Variants in IQCM observed in about 807,000 individuals in gnomAD.
IQCM encodes the protein IQ motif containing M, also known as IQ domain-containing protein M.
IQCM carries 45 observed loss-of-function variants against 57.6 expected under a neutral mutation model. The ratio of observed to expected loss-of-function variants is 0.78; its 90% confidence interval spans 0.62 to 1.00. The LOEUF (loss-of-function observed/expected upper bound fraction) is 1.00. Among genes scored for constraint, IQCM ranks in the 50% least tolerant of loss-of-function variants. IQCM has a pLI of 0.00. For synonymous variants in IQCM, 148 were observed against 158.9 expected, an observed-to-expected ratio of 0.93 and a Z score of 0.51; for missense variants, 468 against 511.6, an observed-to-expected ratio of 0.91 and a Z score of 0.82.
At chr4:149,731,193 G>A (rs1766425408) in intron 5 of IQCM, among the ~76,000 whole-genome samples, 1 of 152,166 alleles carries the variant, frequency 6.6e-6, no homozygotes, top group African/African-American at 2.4e-5. Context: ...TTAAGAGATA[G>A]GACCTTTGAG....
intron 2 of IQCM, among the ~76,000 whole-genome samples, chr4:149,755,385 C>T (rs527437490): frequency 1.3e-5 from 2 of 152,272 alleles, no homozygotes; most frequent in East Asian, 3.9e-4. Flanking sequence ...TCCCTCCAGC[C>T]CCTCAATCCC....
intron 12 of IQCM, among the ~76,000 whole-genome samples, chr4:149,503,036 G>A (rs1743427957): frequency 1.3e-5 from 2 of 151,794 alleles, no homozygotes; most frequent in Admixed American, 6.6e-5. Flanking sequence ...AATATAGTGA[G>A]ACTCCAACTC....
intron 12 of IQCM, among the ~76,000 whole-genome samples, chr4:149,469,525 T>C (rs1739264545): frequency 6.6e-6 from 1 of 152,140 alleles, no homozygotes; most frequent in Admixed American, 6.5e-5. Context: ...ACGGGGAGAA[T>C]GGAAGCAAGT....
chr4:149,707,528 T>TGAA (rs1289122631), intron 5 of IQCM, among the ~76,000 whole-genome samples: 1 of 151,902 alleles, frequency 6.6e-6, no homozygotes, highest in Non-Finnish European at 1.5e-5. Flanking sequence ...CCTTGAGGAA[T>TGAA]GAAGTAACAT....
intron 8 of IQCM, among the ~76,000 whole-genome samples, chr4:149,609,517 T>C (rs1482135353): frequency 1.3e-5 from 2 of 151,652 alleles, no homozygotes; most frequent in Non-Finnish European, 3.0e-5. Flanking sequence ...AATTCAATAA[T>C]ACATTAAAAG....
chr4:149,557,198 G>A (rs777097612), intron 10 of IQCM, among the ~76,000 whole-genome samples: 2 of 151,878 alleles, frequency 1.3e-5, no homozygotes, highest in Admixed American at 6.6e-5. Context: ...CTTGGCTTTC[G>A]GCAGGAAACT....
intron 12 of IQCM, among the ~76,000 whole-genome samples, chr4:149,528,815 A>G (rs1429419013): frequency 1.3e-5 from 2 of 152,130 alleles, no homozygotes; most frequent in Admixed American, 1.3e-4. Context: ...TGTACCTTGC[A>G]CTATAGAAGC....
intron 2 of IQCM, among the ~76,000 whole-genome samples, chr4:149,799,805 G>A (rs879615859): frequency 6.6e-6 from 1 of 151,194 alleles, no homozygotes; most frequent in African/African-American, 2.4e-5. Context: ...GATCAGATGA[G>A]TAGTAAGTAA....
intron 13 of IQCM, among the ~76,000 whole-genome samples, chr4:149,389,341 T>G (rs1437067301): frequency 6.6e-6 from 1 of 152,062 alleles, no homozygotes; most frequent in Non-Finnish European, 1.5e-5. Context: ...TTCCATTTAT[T>G]GATATGACTA....
At chr4:149,692,560 T>C (rs574660154) in intron 5 of IQCM, among the ~76,000 whole-genome samples, 1 of 152,150 alleles carries the variant, frequency 6.6e-6, no homozygotes, top group Non-Finnish European at 1.5e-5. Flanking sequence ...AAGCCCTCTA[T>C]AGACCATTGA....
intron 3 of IQCM, 136 bp from the exon 4 acceptor site, chr4:149,735,594 G>C: frequency 2.5e-6 from 1 of 396,824 alleles, no homozygotes; most frequent in Non-Finnish European, 4.4e-6. Context: ...GAAATATAAG[G>C]TTGTAATGGT....
chr4:149,800,955 A>G (rs559304359), intron 2 of IQCM, among the ~76,000 whole-genome samples: 1 of 151,988 alleles, frequency 6.6e-6, no homozygotes, highest in African/African-American at 2.4e-5. Context: ...TACCAATGAC[A>G]TTCTTCACAG....
intron 8 of IQCM, among the ~76,000 whole-genome samples, chr4:149,594,752 G>A (rs1753594602): frequency 6.6e-6 from 1 of 152,178 alleles, no homozygotes; most frequent in Non-Finnish European, 1.5e-5. Context: ...CAGTTGCCAT[G>A]TAGTTGAGCG....
At chr4:149,361,756 C>A (rs933718476) in intron 13 of IQCM, among the ~76,000 whole-genome samples, 2 of 152,190 alleles carry the variant, frequency 1.3e-5, no homozygotes, top group Non-Finnish European at 2.9e-5. Flanking sequence ...TCACGGAGAA[C>A]CTCTGCAAGG....
In IQCM at chr4:149,745,056, G is replaced by A. The variant is rs17026415; in HGVS notation, c.-48-2317C>T. 9.0e-3 allele frequency among the ~76,000 whole-genome samples: 1,369 copies of A among 152,240 alleles called. 10 individuals carry two copies. Among genetic ancestry groups the A allele is most frequent in the African/African-American group, 0.03 (1,264 of 41,546 alleles). ...TTACACCTGGAAGGGTGAGCACAGG[G>A]TTAATCAGAACCAAATGCTGGCCAG... On this transcript the variant is annotated intron_variant, in intron 2 of 13. Coordinates refer to ENST00000636793, the MANE Select transcript of IQCM (RefSeq NM_001363507.2).
At chr4:149,742,062 C>T (rs1323256753) in intron 3 of IQCM, among the ~76,000 whole-genome samples, 4 of 150,966 alleles carry the variant, frequency 2.6e-5, no homozygotes, top group African/African-American at 2.4e-5. Flanking sequence ...ATTTGTGTAA[C>T]ATAATTTTTA....
intron 13 of IQCM, among the ~76,000 whole-genome samples, chr4:149,387,065 C>A (rs1227526968): frequency 6.6e-6 from 1 of 152,038 alleles, no homozygotes. Flanking sequence ...GCTATAACAA[C>A]ATACCATAGA....
intron 13 of IQCM, among the ~76,000 whole-genome samples, chr4:149,426,183 C>T (rs934010043): frequency 2.0e-5 from 3 of 151,926 alleles, no homozygotes; most frequent in Non-Finnish European, 2.9e-5. Context: ...CTCTCAGAAC[C>T]GGTTTTAAAT....
chr4:149,482,451 C>T (rs1339737966), intron 12 of IQCM, among the ~76,000 whole-genome samples: 1 of 151,810 alleles, frequency 6.6e-6, no homozygotes, highest in Admixed American at 6.6e-5. Flanking sequence ...GAGGTATGCT[C>T]CTTCTGTACC....
Sources: allele counts gnomAD v4.1 joint callset (sites outside exome capture counted in the v4.1 genomes callset), GRCh38; gene constraint gnomAD v4.1.1; transcripts MANE v1.5; gene names NCBI Gene and HGNC (gene_info 2026-07-23, HGNC 2026-07-21).